The following CD82 variants were observed in gnomAD, a reference collection of about 807,000 sequenced individuals.
CD82 encodes CD82 antigen.
CD82 carries 36 observed loss-of-function variants against 37.4 expected under a neutral mutation model. The ratio of observed to expected loss-of-function variants is 0.96; its 90% CI spans 0.74 to 1.27. The LOEUF (loss-of-function observed/expected upper bound fraction) is 1.27, where lower values mean the gene tolerates loss of function less well. Ranked by LOEUF, CD82 falls within the 50% of genes most tolerant of loss-of-function variation. The pLI, the probability that CD82 is intolerant of heterozygous loss-of-function variation, is 0.00. For synonymous variants in CD82, 158 were observed against 137.4 expected (o/e 1.15, Z -1.05); for missense variants, 340 against 347.0 (o/e 0.98, Z 0.16).
intron 6 of CD82, among the ~76,000 whole-genome samples, chr11:44,614,532 C>G (rs1004082660): frequency 2.0e-5 from 3 of 152,320 alleles, no homozygotes; most frequent in South Asian, 2.1e-4. Context: ...AGATGTGGTC[C>G]CTGCCCCCAC....
At chr11:44,595,735 T>C (rs924020921) in intron 3 of CD82, among the ~76,000 whole-genome samples, 1 of 151,838 alleles carries the variant, frequency 6.6e-6, no homozygotes, top group African/African-American at 2.4e-5. Context: ...ACAAGTTACA[T>C]AGTTTATGGG....
At chr11:44,614,780 G>A (rs758100561) in intron 6 of CD82, among the ~76,000 whole-genome samples, 2 of 152,190 alleles carry the variant, frequency 1.3e-5, no homozygotes, top group African/African-American at 2.4e-5. Context: ...AGCAGAGGGT[G>A]AGCCATGTTA....
At chr11:44,612,050 C>A (rs1033546972) in intron 6 of CD82, among the ~76,000 whole-genome samples, 1 of 152,200 alleles carries the variant, frequency 6.6e-6, no homozygotes, top group Non-Finnish European at 1.5e-5. Flanking sequence ...TCTAGAGAGC[C>A]CCTCCTTTCC....
At chr11:44,593,357 C>A (rs560468519) in intron 2 of CD82, among the ~76,000 whole-genome samples, 1 of 152,250 alleles carries the variant, frequency 6.6e-6, no homozygotes. Flanking sequence ...CCTCCACCCC[C>A]CCAGCCCAGC....
rs1852723732 is a variant in CD82 at position 44,565,746 on chromosome 11, G to T, written c.-103+10G>T. 6.6e-6 allele frequency: 1 copy of T among 152,392 alleles called. No individual in the cohort carries two copies. The highest frequency in any genetic ancestry group is 2.4e-5 in the African/African-American group (1 of 41,572). 9.4% of individuals were successfully genotyped at this position (152,392 alleles called of 1,614,324 possible). ...AAAGCAGAACCCGCAGGTGAGCAAG[G>T]GGGCAGCGGGCCGGGGTAGCCTGCC... On this transcript the variant is annotated intron_variant, in intron 1 of 9. Coordinates refer to ENST00000227155, the MANE Select transcript of CD82 (RefSeq NM_002231.4).
At chr11:44,591,713 G>C (rs921070782) in intron 2 of CD82, among the ~76,000 whole-genome samples, 4 of 152,204 alleles carry the variant, frequency 2.6e-5, no homozygotes, top group African/African-American at 7.2e-5. Flanking sequence ...CTCACTTCCT[G>C]GGCTGGTTGT....
At chr11:44,592,815 C>T (rs746707156) in intron 2 of CD82, among the ~76,000 whole-genome samples, 1 of 152,176 alleles carries the variant, frequency 6.6e-6, no homozygotes, top group Non-Finnish European at 1.5e-5. Context: ...GCCTTGGAGC[C>T]CCCTAGACTG....
At chr11:44,579,242 AG>A (rs1402557298) in intron 1 of CD82, among the ~76,000 whole-genome samples, 2 of 102,684 alleles carry the variant, frequency 1.9e-5, no homozygotes, top group East Asian at 4.6e-4. Context: ...GGAGGTAGAG[AG>A]GGGGCAGGGT....
intron 2 of CD82, among the ~76,000 whole-genome samples, chr11:44,589,543 G>A (rs1203426475): frequency 6.6e-6 from 1 of 152,212 alleles, no homozygotes; most frequent in Admixed American, 6.5e-5. Flanking sequence ...TGATGATGAT[G>A]ATACAGACAC....
Position 44,592,430 on chromosome 11 carries a change from C to G in CD82, c.-20-2213C>G, listed in dbSNP as rs570418357. ...CTGGTTGGTCTCTTGGGGCATGCCC[C>G]GTATTGTTTACTGGGAGGAGACCTG... On this transcript the variant is annotated intron_variant, in intron 2 of 9. Coordinates refer to ENST00000227155, the MANE Select transcript of CD82 (RefSeq NM_002231.4). Among the ~76,000 whole-genome samples the G allele has an allele frequency of 2.5e-4, 38 of 152,188 alleles. 2 individuals are homozygous for G. The highest frequency in any genetic ancestry group is 1.5e-5 in the Non-Finnish European group (1 of 68,026).
intron 4 of CD82, among the ~76,000 whole-genome samples, chr11:44,602,267 G>A (rs891332361): frequency 1.3e-5 from 2 of 152,156 alleles, no homozygotes; most frequent in Non-Finnish European, 2.9e-5. Flanking sequence ...TTCGATTCAC[G>A]GCGGTGCTGT....
chr11:44,576,688 T>G (rs1246644563), intron 1 of CD82, among the ~76,000 whole-genome samples: 1 of 152,232 alleles, frequency 6.6e-6, no homozygotes, highest in African/African-American at 2.4e-5. Context: ...ACTGCCCAGT[T>G]TGGGACATCT....
At position 44,612,197 on chromosome 11, in the gene CD82, G is replaced by A. The variant is rs144216560; in HGVS notation, c.337-3075G>A. On this transcript the variant is annotated intron_variant, in intron 6 of 9. Coordinates refer to ENST00000227155, the MANE Select transcript of CD82 (RefSeq NM_002231.4). ...GCCCTGGTTAAAACTGGGTATAGCC[G>A]TGTGGTTTAAATGCCAATAAAGCTT... Among the ~76,000 whole-genome samples, 33 of 152,346 alleles carry A rather than the reference G, an allele frequency of 2.2e-4. No individual in the cohort carries two copies. In the East Asian group the frequency reaches 5.4e-3, roughly 25 times the overall value.
At chr11:44,609,311 G>A (rs1299728790) in intron 6 of CD82, among the ~76,000 whole-genome samples, 1 of 152,234 alleles carries the variant, frequency 6.6e-6, no homozygotes, top group African/African-American at 2.4e-5. Flanking sequence ...GAGAGTGGAG[G>A]TGGGAGGAGT....
At chr11:44,609,344 G>A (rs534951132) in intron 6 of CD82, among the ~76,000 whole-genome samples, 1 of 152,282 alleles carries the variant, frequency 6.6e-6, no homozygotes, top group East Asian at 1.9e-4. Flanking sequence ...AATGCAGTTT[G>A]CCCTTTCCTG....
intron 1 of CD82, among the ~76,000 whole-genome samples, chr11:44,579,243 G>T (rs1316227559): frequency 1.3e-5 from 2 of 152,112 alleles, no homozygotes; most frequent in Non-Finnish European, 2.9e-5. Flanking sequence ...GAGGTAGAGA[G>T]GGGGCAGGGT....
At chr11:44,579,708 T>C (rs2134630500) in intron 1 of CD82, among the ~76,000 whole-genome samples, 1 of 152,240 alleles carries the variant, frequency 6.6e-6, no homozygotes, top group Non-Finnish European at 1.5e-5. Flanking sequence ...GCTGGTTAAA[T>C]GGCCGCTTCC....
intron 4 of CD82, among the ~76,000 whole-genome samples, chr11:44,601,756 C>T (rs1565090512): frequency 6.6e-6 from 1 of 152,194 alleles, no homozygotes; most frequent in East Asian, 1.9e-4. Context: ...GCCCGAGCCC[C>T]ACCCACCCCA....
In CD82 at chr11:44,597,073, C is replaced by A. The variant is rs746352352; in HGVS notation, c.63+2348C>A. The A allele has an allele frequency of 4.4e-6, 2 of 453,672 alleles. No individual in the cohort carries two copies. Among genetic ancestry groups the A allele is most frequent in the Non-Finnish European group, 8.8e-6 (2 of 226,266 alleles). The allele number at this position is 453,672 out of a possible 1,614,324, so 28.1% of individuals were successfully genotyped here. ...GAGTGCACCTCCCCAGGCATAGACC[C>A]GGCCAGCCTGCCTCTTTGTTTTATG... On this transcript the variant is annotated intron_variant, in intron 3 of 9. Transcript: ENST00000227155. This position sits in a 1 kb window ranked among gnomAD's most constrained non-coding sequence, Gnocchi z 4.1.
Sources: gnomAD v4.1 joint callset for allele counts (sites outside exome capture counted in the v4.1 genomes callset) on GRCh38, gnomAD v4.1.1 for gene constraint, Gnocchi (gnomAD v3.1) non-coding constraint, MANE v1.5 for transcripts, NCBI Gene and HGNC (gene_info 2026-07-23, HGNC 2026-07-21) for gene names.